IDS: variants seen among roughly 807,000 people sequenced by gnomAD.
IDS encodes alpha-L-iduronate sulfate sulfatase.
A neutral mutation model predicts 33.5 loss-of-function variants in IDS; 1 was observed. That is an observed-to-expected ratio of 0.03 (90% confidence interval 0.01 to 0.14). The LOEUF (loss-of-function observed/expected upper bound fraction) is 0.14, where lower values mean the gene tolerates loss of function less well. Ranked by LOEUF, IDS falls within the 10% of genes least tolerant of loss-of-function variation. IDS has a pLI of 1.00. For synonymous variants in IDS, 191 were observed against 184.4 expected, an observed-to-expected ratio of 1.04 and a Z score of -0.29; for missense variants, 328 against 448.0, an observed-to-expected ratio of 0.73 and a Z score of 2.42.
Position 149,496,456 on chromosome X carries a change from C to G in IDS, c.769G>C (p.Asp257His). The change falls in exon 6 of 9, where the codon GAT becomes CAT. Residue 257 changes from aspartate (D) to histidine (H), a missense_variant. This residue lies in a region of IDS where 265 missense variants were observed against 339.2 expected (regional missense o/e 0.78). Coordinates refer to ENST00000340855, the MANE Select transcript of IDS (RefSeq NM_000202.8). ...TTGTAGGCCACAGGGGGTAGGCCAT[C>G]AGGGACCTCGGGATCGGGGGCCAGG... ...ITLAPDPEVP[D>H]GLPPVAYNPW... The G allele has an allele frequency of 3.3e-6, 4 of 1,211,155 alleles. No homozygotes were observed. Among genetic ancestry groups the G allele is most frequent in the Non-Finnish European group, 4.5e-6 (4 of 895,017 alleles).
intron 4 of IDS, among the ~76,000 whole-genome samples, chrX:149,498,771 A>C (rs2089456016): frequency 8.9e-6 from 1 of 112,724 alleles, no homozygotes; most frequent in South Asian, 3.6e-4. Flanking sequence ...TAATTTTTTA[A>C]GATGGAAAAT....
Position 149,482,702 on chromosome X carries a change from C to G in IDS, c.*44G>C, listed in dbSNP as rs1557337544. On this transcript the variant is annotated 3_prime_UTR_variant, in exon 9 of 9. Transcript: ENST00000340855. ...CAGCTCTAACTCCTCCTCTCACCAG[C>G]TGGAAGGGAGCACATCACATTTGCC... is the stretch of plus-strand genomic sequence containing the variant. 1 of 1,210,110 alleles carries G rather than the reference C, an allele frequency of 8.3e-7. No individual in the cohort carries two copies. Among genetic ancestry groups the G allele is most frequent in the Non-Finnish European group, 1.1e-6 (1 of 895,109 alleles).
Position 149,490,363 on chromosome X carries a change from G to C in IDS, c.957C>G (p.Asp319Glu), listed in dbSNP as rs782488487. 1.7e-6 allele frequency: 2 copies of C among 1,210,012 alleles called. No individual in the cohort carries two copies. Among genetic ancestry groups the C allele is most frequent in the Admixed American group, 4.3e-5 (2 of 46,071 alleles). The part of the protein sequence containing the change: ...TQVGRLLSAL[D>E]DLQLANSTII... ...TGGTGCTGTTGGCCAGCTGAAGATC[G>C]TCCAAAGCACTCAAGAGGCGGCCGA... The change falls in exon 7 of 9, where the codon GAC (aspartate) becomes GAG (glutamate). Residue 319 changes from aspartate (D) to glutamate (E), a missense_variant. Transcript: ENST00000340855.
chrX:149,482,532 C>T lies in IDS; in HGVS notation c.*214G>A. 2.2e-6 allele frequency: 1 copy of T among 456,022 alleles called. No individual in the cohort carries two copies. The allele number at this position is 456,022 out of a possible 1,213,427, so 37.6% of individuals were successfully genotyped here. A position where few individuals can be genotyped will look rare whatever the true frequency, so the allele number is the denominator to read the frequency against. On this transcript the variant is annotated 3_prime_UTR_variant, in exon 9 of 9. Transcript: ENST00000340855. ...AAAAAGAGGGAAATTAAAAAAAAAACTGGTCCAATTACCAATTATAAATTT... is the reference window on the plus strand; with the variant it reads ...AAAAAGAGGGAAATTAAAAAAAAAATTGGTCCAATTACCAATTATAAATTT...
At position 149,498,131 on chromosome X, in the gene IDS, T is replaced by C. The variant is rs782561677; in HGVS notation, c.684A>G (p.Pro228=). The change falls in exon 5 of 9, where the codon CCA becomes CCG. Residue 228 remains proline, a synonymous_variant. Coordinates refer to ENST00000340855, the MANE Select transcript of IDS (RefSeq NM_000202.8). ...CCTTGGGGTATCTGAAGGGGATGTG[T>C]GGCTTATGATACCCAACGGCCAGGA... The part of the protein sequence containing the change: ...PFFLAVGYHK[P]HIPFRYPKEF... The C allele has an allele frequency of 2.4e-5, 29 of 1,209,051 alleles. No homozygotes were observed. In the East Asian group the frequency reaches 8.3e-4, roughly 35 times the overall value.
chrX:149,488,519 T>C (rs2089360330), intron 7 of IDS, among the ~76,000 whole-genome samples: 1 of 108,682 alleles, frequency 9.2e-6, no homozygotes, highest in African/African-American at 3.4e-5. Flanking sequence ...GCTCTGAAGG[T>C]ACAGCAGCCA....
chrX:149,489,329 A>C (rs1300049350), intron 7 of IDS, among the ~76,000 whole-genome samples: 1 of 112,573 alleles, frequency 8.9e-6, no homozygotes, highest in East Asian at 2.8e-4. Context: ...CAGAACAAGC[A>C]ATCACATCTT....
At chrX:149,503,855 G>A (rs2089501010) in intron 2 of IDS, among the ~76,000 whole-genome samples, 1 of 111,746 alleles carries the variant, frequency 8.9e-6, no homozygotes, top group African/African-American at 3.3e-5. Context: ...GTGCCCTTCT[G>A]CAGCACCCCT....
intron 4 of IDS, 119 bp from the exon 5 acceptor site, chrX:149,498,426 T>G (rs1204168804): frequency 4.3e-5 from 24 of 557,558 alleles, no homozygotes; most frequent in Non-Finnish European, 6.9e-5. Context: ...TCACTCAGAC[T>G]GAACAGAGAC....
In IDS at chrX:149,504,288, G is replaced by A. The variant is rs2089505603; in HGVS notation, c.109C>T (p.Leu37=). The A allele has an allele frequency of 1.7e-6, 2 of 1,200,220 alleles. No individual in the cohort carries two copies. Among genetic ancestry groups the A allele is most frequent in the Admixed American group, 4.4e-5 (2 of 44,976 alleles). Residue 37 remains leucine (L), a synonymous_variant, in exon 2 of 9, where the codon CTG becomes TTG. Coordinates refer to ENST00000340855, the MANE Select transcript of IDS (RefSeq NM_000202.8). ...TCCACGATGATGAGAAGAACGTTCA[G>A]AGCATCTACACAGGAGGGAGGGGCT... ...ETQANSTTDA[L]NVLLIIVDDL... is the part of the protein sequence containing the mutation.
rs1360908711 is a variant in IDS at position 149,501,760 on chromosome X, G to A, written c.419-723C>T. Among the ~76,000 whole-genome samples the A allele has an allele frequency of 1.1e-4, 12 of 111,287 alleles. 1 individual carries two copies. Among genetic ancestry groups the A allele is most frequent in the African/African-American group, 2.6e-4 (8 of 30,548 alleles). On this transcript the variant is annotated intron_variant, in intron 3 of 8. Coordinates refer to ENST00000340855, the MANE Select transcript of IDS (RefSeq NM_000202.8). ...TGGAGGGGATCACAGGCAGAACCTC[G>A]TGAGAAAGCATCAGCAGCAGTCACA... is the stretch of plus-strand genomic sequence containing the variant.
intron 6 of IDS, among the ~76,000 whole-genome samples, chrX:149,492,252 T>C (rs1434602014): frequency 3.6e-5 from 4 of 111,516 alleles, no homozygotes; most frequent in African/African-American, 9.8e-5. Flanking sequence ...CCTTTCCCTA[T>C]AGTTTTTCCC....
rs1557337379 is a variant in IDS at position 149,481,013 on chromosome X, CA to C, written c.*1732del. On this transcript the variant is annotated 3_prime_UTR_variant, in exon 9 of 9. Coordinates refer to ENST00000340855, the MANE Select transcript of IDS (RefSeq NM_000202.8). ...GGGGTTGGGGAAAGGTTATATGAAG[CA>C]ACAAAGATACAGTTTCTCTAAGCCA... The C allele has an allele frequency of 8.9e-6, 1 of 112,117 alleles. No individual in the cohort carries two copies. Among genetic ancestry groups the C allele is most frequent in the Admixed American group, 9.5e-5 (1 of 10,539 alleles). The allele number at this position is 112,117 out of a possible 1,213,427, so 9.2% of individuals were successfully genotyped here.
rs183303038 is a variant in IDS at position 149,491,213 on chromosome X, G to A, written c.880-773C>T. Among the ~76,000 whole-genome samples the A allele has an allele frequency of 2.8e-3, 309 of 111,753 alleles. 1 individual carries two copies. Among genetic ancestry groups the A allele is most frequent in the Middle Eastern group, 9.2e-3 (2 of 218 alleles). ...TATCTTCATGAACTATGGCCGTTAC[G>A]TGGAGCTCATTTCTAACAAACTGTC... On this transcript the variant is annotated intron_variant, in intron 6 of 8. Coordinates refer to ENST00000340855, the MANE Select transcript of IDS (RefSeq NM_000202.8).
chrX:149,502,326 T>C (rs1413770890), intron 3 of IDS: 13 of 238,875 alleles, frequency 5.4e-5, no homozygotes, highest in Non-Finnish European at 1.0e-4. Flanking sequence ...CTCTGCTGTG[T>C]TTCCTCCTCT....
In IDS at chrX:149,486,918, T is replaced by G. The variant is rs2089340679; in HGVS notation, c.1180+7A>C. The stretch of plus-strand genomic sequence containing the variant: ...GTCAAGCAATATCATTTCAGCATAT[T>G]TTATACCTGGCTCCATCAACTGTGA... On this transcript the variant is annotated splice_region_variant and intron_variant, in intron 8 of 8. Coordinates refer to ENST00000340855, the MANE Select transcript of IDS (RefSeq NM_000202.8). 1.7e-6 allele frequency: 2 copies of G among 1,208,641 alleles called. No homozygotes were observed. The highest frequency in any genetic ancestry group is 1.8e-5 in the South Asian group (1 of 56,835).
rs2123994624 is a variant in IDS, at chrX:149,483,049, A to T, written c.1350T>A (p.Asp450Glu). The change falls in exon 9 of 9, where the codon GAT becomes GAA. Residue 450 changes from aspartate (D) to glutamate (E), a missense_variant. By Grantham distance (45) the Asp-to-Glu change is conservative. Around this residue, in one of 4 missense-constraint regions of IDS, gnomAD observed 265 missense variants for 339.2 expected, o/e 0.78. Transcript: ENST00000340855. Reference sequence around the variant, plus strand: ...CACGGGGATTACCAGGGAGGTACGGATCCTCTTCCAAGTCACGGAATCGAA... The same window carrying T: ...CACGGGGATTACCAGGGAGGTACGGTTCCTCTTCCAAGTCACGGAATCGAA... ...KHFRFRDLEEDPYLPGNPREL... is the reference protein window; with the variant it reads ...KHFRFRDLEEEPYLPGNPREL... 8.3e-7 allele frequency: 1 copy of T among 1,207,781 alleles called. No homozygotes were observed. The highest frequency in any genetic ancestry group is 1.1e-6 in the Non-Finnish European group (1 of 892,425).
rs1436402361 is a variant in IDS at position 149,480,389 on chromosome X, A to G, written c.*2357T>C. The G allele has an allele frequency of 2.0e-5, 6 of 296,015 alleles. No individual in the cohort carries two copies. Among genetic ancestry groups the G allele is most frequent in the Non-Finnish European group, 3.5e-5 (6 of 170,117 alleles). The allele number at this position is 296,015 out of a possible 1,213,427, so 24.4% of individuals were successfully genotyped here. On this transcript the variant is annotated 3_prime_UTR_variant, in exon 9 of 9. Coordinates refer to ENST00000340855, the MANE Select transcript of IDS (RefSeq NM_000202.8). Reference sequence around the variant, plus strand: ...CCAAACATACTTTGCTCACCTCCAGATAAGTCTTTGTGGGGCAAATGCAGG... The same window carrying G: ...CCAAACATACTTTGCTCACCTCCAGGTAAGTCTTTGTGGGGCAAATGCAGG...
chrX:149,488,378 CT>C (rs2089358546), intron 7 of IDS, among the ~76,000 whole-genome samples: 1 of 107,500 alleles, frequency 9.3e-6, no homozygotes, highest in Non-Finnish European at 1.9e-5. Context: ...CACATTGTCC[CT>C]TTTAGATTCA....
Sources: gnomAD v4.1 joint callset for allele counts (sites outside exome capture counted in the v4.1 genomes callset) on GRCh38, gnomAD v4.1.1 for gene constraint, gnomAD v4.1.1 regional missense constraint, MANE v1.5 for transcripts, NCBI Gene and HGNC (gene_info 2026-07-23, HGNC 2026-07-21) for gene names.